The following CDH13 variants were observed in gnomAD, a reference collection of about 807,000 sequenced individuals.
CDH13 encodes the protein cadherin-13.
Under a neutral mutation model 63.8 loss-of-function variants are expected in CDH13, and 24 were observed. That is an observed-to-expected ratio of 0.38 (90% CI 0.27 to 0.53). The LOEUF (loss-of-function observed/expected upper bound fraction) is 0.53. Ranked by LOEUF, CDH13 falls within the 20% of genes least tolerant of loss-of-function variation. The probability of loss-of-function intolerance (pLI) is 0.85; values close to 1 mark genes in which losing one functional copy is unlikely to be tolerated. For synonymous variants in CDH13, 503 were observed against 355.3 expected (o/e 1.42, Z -4.67); for missense variants, 1,049 against 903.1 (o/e 1.16, Z -2.07).
At chr16:83,653,966 C>T (rs1396206487) in intron 8 of CDH13, among the ~76,000 whole-genome samples, 2 of 151,992 alleles carry the variant, frequency 1.3e-5, no homozygotes, top group Admixed American at 6.5e-5. Context: ...GTGAAATGAA[C>T]GAGTGGCTAG....
At chr16:83,699,392 T>C (rs900459477) in intron 10 of CDH13, among the ~76,000 whole-genome samples, 2 of 152,202 alleles carry the variant, frequency 1.3e-5, no homozygotes, top group Non-Finnish European at 1.5e-5. Flanking sequence ...AATAAATATG[T>C]GATAAGTTGA....
chr16:82,910,062 A>G (rs1026714258), intron 2 of CDH13, among the ~76,000 whole-genome samples: 1 of 152,140 alleles, frequency 6.6e-6, no homozygotes, highest in African/African-American at 2.4e-5. Flanking sequence ...CAGCCAAAGT[A>G]TACAATTGCC....
chr16:83,763,687 C>G (rs1914158008), intron 11 of CDH13, among the ~76,000 whole-genome samples: 1 of 152,184 alleles, frequency 6.6e-6, no homozygotes, highest in South Asian at 2.1e-4. Context: ...CACCCCTTAT[C>G]TCAGCTGTGA....
chr16:83,416,252 C>T (rs1366499573), intron 6 of CDH13, among the ~76,000 whole-genome samples: 1 of 152,280 alleles, frequency 6.6e-6, no homozygotes, highest in South Asian at 2.1e-4. Context: ...TTTTAAAAGA[C>T]ACAAACAGAT....
chr16:82,681,538 C>G (rs1914544432), intron 1 of CDH13, among the ~76,000 whole-genome samples: 1 of 152,176 alleles, frequency 6.6e-6, no homozygotes. Context: ...AAGAATTTTT[C>G]TCTCATAATG....
chr16:82,925,879 C>G (rs886844206), intron 2 of CDH13: 1 of 152,008 alleles, frequency 6.6e-6, no homozygotes, highest in Non-Finnish European at 1.5e-5. Context: ...TGGAGTCCAT[C>G]TGTTGGAACA....
intron 1 of CDH13, among the ~76,000 whole-genome samples, chr16:82,857,466 G>A (rs914735287): frequency 1.9e-4 from 29 of 152,120 alleles, no homozygotes; most frequent in African/African-American, 6.3e-4. Flanking sequence ...TAGCCTTTGC[G>A]TACTAAACCT....
At chr16:82,857,459 C>G (rs764274777) in intron 1 of CDH13, among the ~76,000 whole-genome samples, 12 of 152,120 alleles carry the variant, frequency 7.9e-5, no homozygotes, top group Admixed American at 2.0e-4. Context: ...GGCCTTATAG[C>G]CTTTGCGTAC....
chr16:83,394,605 C>T (rs994326012), intron 6 of CDH13, among the ~76,000 whole-genome samples: 2 of 152,106 alleles, frequency 1.3e-5, no homozygotes, highest in Admixed American at 1.3e-4. Flanking sequence ...GGTGAGCCGC[C>T]AAGGTTTTGA....
At chr16:83,385,696 C>G (rs1440825057) in intron 6 of CDH13, among the ~76,000 whole-genome samples, 1 of 152,088 alleles carries the variant, frequency 6.6e-6, no homozygotes. Context: ...AGTCCAGTGA[C>G]CAATACTAGT....
intron 3 of CDH13, among the ~76,000 whole-genome samples, chr16:83,079,714 C>A (rs1017119956): frequency 6.6e-6 from 1 of 152,118 alleles, no homozygotes; most frequent in Non-Finnish European, 1.5e-5. Context: ...AAATGTGTTT[C>A]TTCCTTTTTA....
intron 6 of CDH13, among the ~76,000 whole-genome samples, chr16:83,449,243 C>A (rs2072809746): frequency 6.6e-6 from 1 of 152,084 alleles, no homozygotes; most frequent in Non-Finnish European, 1.5e-5. Flanking sequence ...AGATAGGAGG[C>A]CCTCAATGTT....
intron 1 of CDH13, among the ~76,000 whole-genome samples, chr16:82,662,508 C>G (rs896012439): frequency 6.6e-6 from 1 of 152,092 alleles, no homozygotes; most frequent in Non-Finnish European, 1.5e-5. Flanking sequence ...AATGGTGCTA[C>G]CTGAGTGAGA....
chr16:83,179,529 G>C (rs1199269231), intron 4 of CDH13, among the ~76,000 whole-genome samples: 1 of 149,384 alleles, frequency 6.7e-6, no homozygotes, highest in Non-Finnish European at 1.5e-5. Flanking sequence ...GCGGGCACCT[G>C]TAGTCCCAGC....
intron 3 of CDH13, among the ~76,000 whole-genome samples, chr16:83,076,644 C>G (rs2032865780): frequency 6.6e-6 from 1 of 152,106 alleles, no homozygotes; most frequent in African/African-American, 2.4e-5. Flanking sequence ...ATCACACACA[C>G]ACACACACAG....
chr16:82,748,451 T>C (rs2034275669), intron 1 of CDH13, among the ~76,000 whole-genome samples: 1 of 152,210 alleles, frequency 6.6e-6, no homozygotes. Context: ...CTCTTGGTAG[T>C]GTCATCAGCA....
chr16:83,167,468 C>G (rs1288467682), intron 4 of CDH13, among the ~76,000 whole-genome samples: 4 of 147,032 alleles, frequency 2.7e-5, no homozygotes, highest in African/African-American at 5.1e-5. Context: ...CCATTGCACT[C>G]CAGCCTGAGG....
At chr16:83,681,533 T>C (rs887140191) in intron 10 of CDH13, among the ~76,000 whole-genome samples, 6 of 152,176 alleles carry the variant, frequency 3.9e-5, no homozygotes, top group African/African-American at 1.4e-4. Context: ...TGGCACTGGC[T>C]GGACACCCCC....
At chr16:82,941,586 A>C (rs375597746) in intron 2 of CDH13, among the ~76,000 whole-genome samples, 1 of 152,282 alleles carries the variant, frequency 6.6e-6, no homozygotes. Flanking sequence ...AATTCTAGAA[A>C]GTTGTATTTG....
Sources: gnomAD v4.1 joint callset for allele counts (sites outside exome capture counted in the v4.1 genomes callset) on GRCh38, gnomAD v4.1.1 for gene constraint, MANE v1.5 for transcripts, NCBI Gene and HGNC (gene_info 2026-07-23, HGNC 2026-07-21) for gene names.